ATP1A4: variants seen among roughly 807,000 people sequenced by gnomAD.
ATP1A4 encodes the protein ATPase Na+/K+ transporting subunit alpha 4.
A neutral mutation model predicts 114.3 loss-of-function variants in ATP1A4; 90 were observed. That is an observed-to-expected ratio of 0.79 (90% CI 0.66 to 0.94). The LOEUF (loss-of-function observed/expected upper bound fraction) is 0.94. ATP1A4 is among the 40% of genes least tolerant of loss of function. The probability of loss-of-function intolerance (pLI) is 0.00; values close to 1 mark genes in which losing one functional copy is unlikely to be tolerated. For missense variants in ATP1A4, 1,222 were observed against 1,313.6 expected (o/e 0.93, Z 1.08); for synonymous variants, 511 against 494.1 (o/e 1.03, Z -0.45).
Position 160,171,622 on chromosome 1 carries a change from G to C in ATP1A4, c.1719G>C (p.Lys573Asn). Residue 573 changes from lysine to asparagine, a missense_variant, in exon 12 of 22, where the codon AAG (lysine) becomes AAC (asparagine). By Grantham distance (94) the Lys-to-Asn change is moderately conservative. Transcript: ENST00000368081. ...CFLNLPSSFS[K>N]GFPFNTDEIN... ...TGAATCTGCCTAGCAGCTTCTCCAA[G>C]GGATTCCCATTTAATACAGATGAAA... 6.2e-7 allele frequency: 1 copy of C among 1,614,096 alleles called. No homozygotes were observed. Among genetic ancestry groups the C allele is most frequent in the Non-Finnish European group, 8.5e-7 (1 of 1,180,024 alleles).
Position 160,174,261 on chromosome 1 carries a change from G to A in ATP1A4, c.2142G>A (p.Leu714=), listed in dbSNP as rs760117234. The A allele has an allele frequency of 3.7e-6, 6 of 1,614,050 alleles. No individual in the cohort carries two copies. Among genetic ancestry groups the A allele is most frequent in the African/African-American group, 1.3e-5 (1 of 75,000 alleles). Residue 714 remains leucine (L), a splice_region_variant and synonymous_variant, in exon 14 of 22, where the codon CTG becomes CTA. Transcript: ENST00000368081. Reference sequence around the variant, plus strand: ...TCATTGTCGAGGGATGTCAGAGGCTGGTAAGGAACGAAAAGGAGCCCCAAG... The same window carrying A: ...TCATTGTCGAGGGATGTCAGAGGCTAGTAAGGAACGAAAAGGAGCCCCAAG... ...KLIIVEGCQR[L]GAVVAVTGDG...
At chr1:160,170,254 C>T (rs1352682200) in intron 10 of ATP1A4, 1 of 152,084 alleles carries the variant, frequency 6.6e-6, no homozygotes, top group Non-Finnish European at 1.5e-5. Flanking sequence ...GTAAAACCCC[C>T]GTCTCTGCTA....
intron 10 of ATP1A4, chr1:160,170,768 G>A (rs1571024595): frequency 1.0e-5 from 1 of 95,622 alleles, no homozygotes; most frequent in Non-Finnish European, 2.1e-5. Flanking sequence ...ATTTTTAGTA[G>A]GAGACGGGGT....
At chr1:160,157,878 G>A (rs1437606439) in intron 4 of ATP1A4, among the ~76,000 whole-genome samples, 9 of 152,152 alleles carry the variant, frequency 5.9e-5, no homozygotes, top group Admixed American at 3.3e-4. Flanking sequence ...TTTTTTAAAG[G>A]TACCTGGAAA....
Position 160,186,427 on chromosome 1 carries a change from C to T in ATP1A4, c.3061+60C>T, listed in dbSNP as rs533074735. 8.8e-4 allele frequency: 1,176 copies of T among 1,330,844 alleles called. 10 individuals are homozygous for T. Among genetic ancestry groups the T allele is most frequent in the Non-Finnish European group, 1.7e-4 (155 of 935,762 alleles). The allele number at this position is 1,330,844 out of a possible 1,614,324, so 82.4% of individuals were successfully genotyped here. On this transcript the variant is annotated intron_variant, in intron 21 of 21. Coordinates refer to ENST00000368081, the MANE Select transcript of ATP1A4 (RefSeq NM_144699.4). ...GTCACCAGCCCCCTCACTAGCTCTC[C>T]CATCCCACCTAGTCCCTCCAGACCC...
chr1:160,168,033 G>A (rs1207942897), intron 10 of ATP1A4, among the ~76,000 whole-genome samples: 2 of 152,118 alleles, frequency 1.3e-5, no homozygotes, highest in African/African-American at 2.4e-5. Context: ...GTTCGTGTTC[G>A]TGAAGTTTTT....
chr1:160,186,234 T>A lies in ATP1A4; in HGVS notation c.2970-42T>A, dbSNP rs757133292. On this transcript the variant is annotated intron_variant, in intron 20 of 21. Transcript: ENST00000368081. Reference sequence around the variant, plus strand: ...TGCCCTCTGCACCTGTCCTCTGGCATCTCTCTCTCCTGCCATGCTGACTGG... The same window carrying A: ...TGCCCTCTGCACCTGTCCTCTGGCAACTCTCTCTCCTGCCATGCTGACTGG... 6.5e-6 allele frequency: 9 copies of A among 1,377,650 alleles called. No individual in the cohort carries two copies. The East Asian group carries it at 2.1e-4, about 31-fold the overall frequency. 85.3% of individuals were successfully genotyped at this position (1,377,650 alleles called of 1,614,324 possible). A position where few individuals can be genotyped will look rare whatever the true frequency, so the allele number is the denominator to read the frequency against.
chr1:160,157,024 A>G (rs1390490851), intron 4 of ATP1A4, among the ~76,000 whole-genome samples: 1 of 152,172 alleles, frequency 6.6e-6, no homozygotes, highest in East Asian at 1.9e-4. Flanking sequence ...GGATTGCTTG[A>G]GCACGGAAGG....
intron 12 of ATP1A4, among the ~76,000 whole-genome samples, chr1:160,173,006 G>T (rs898650869): frequency 6.6e-6 from 1 of 152,222 alleles, no homozygotes; most frequent in Non-Finnish European, 1.5e-5. Context: ...ATACAGAGAA[G>T]TGTGGCAAGT....
At position 160,152,086 on chromosome 1, in the gene ATP1A4, A is replaced by G; in HGVS notation, c.46A>G (p.Ser16Gly). 6.2e-7 allele frequency: 1 copy of G among 1,614,084 alleles called. No individual in the cohort carries two copies. The highest frequency in any genetic ancestry group is 2.2e-5 in the East Asian group (1 of 44,874). ...KKGTVAPHDQ[S>G]PRRRPKKGLI... ...AGGGACAGTGGCTCCCCATGACCAG[A>G]GTCCAAGACGAAGACCTAAAAAAGG... Residue 16 changes from serine to glycine, a missense_variant, in exon 1 of 22, where the codon AGT (serine) becomes GGT (glycine). Ser to Gly is a moderately conservative substitution (Grantham distance 56, BLOSUM62 0). Coordinates refer to ENST00000368081, the MANE Select transcript of ATP1A4 (RefSeq NM_144699.4).
At chr1:160,160,351 G>T (rs193216595) in intron 6 of ATP1A4, among the ~76,000 whole-genome samples, 7 of 152,044 alleles carry the variant, frequency 4.6e-5, no homozygotes, top group African/African-American at 1.7e-4. Flanking sequence ...CGAGTAGCTG[G>T]GATTACAGGT....
chr1:160,172,761 T>G (rs1427521171), intron 12 of ATP1A4, among the ~76,000 whole-genome samples: 1 of 152,200 alleles, frequency 6.6e-6, no homozygotes, highest in African/African-American at 2.4e-5. Context: ...ATGTTAGACC[T>G]GTGACTGTTG....
At position 160,167,010 on chromosome 1, in the gene ATP1A4, C is replaced by G. The variant is rs762627268; in HGVS notation, c.1289C>G (p.Ala430Gly). The G allele has an allele frequency of 1.9e-6, 3 of 1,614,170 alleles. No homozygotes were observed. The highest frequency in any genetic ancestry group is 2.5e-6 in the Non-Finnish European group (3 of 1,180,030). The change falls in exon 9 of 22, where the codon GCC (alanine) becomes GGC (glycine). Residue 430 changes from alanine (A) to glycine (G), a missense_variant. Coordinates refer to ENST00000368081, the MANE Select transcript of ATP1A4 (RefSeq NM_144699.4). ...TKSSDTWFML[A>G]RIAGLCNRAD... is the part of the protein sequence containing the mutation. ...AGCTCTGATACCTGGTTTATGCTGG[C>G]CCGAATCGCTGGCCTCTGCAACCGG...
chr1:160,153,045 G>A, intron 1 of ATP1A4, 120 bp from the exon 2 acceptor site: 2 of 782,870 alleles, frequency 2.6e-6, no homozygotes, highest in Non-Finnish European at 4.3e-6. Flanking sequence ...AGAATTGCAG[G>A]GAGCTTACAA....
At chr1:160,173,221 T>C (rs1246783534) in intron 12 of ATP1A4, among the ~76,000 whole-genome samples, 1 of 152,248 alleles carries the variant, frequency 6.6e-6, no homozygotes, top group Non-Finnish European at 1.5e-5. Flanking sequence ...AGATGGATTA[T>C]TCCAGACATT....
intron 7 of ATP1A4, 58 bp downstream of exon 7, chr1:160,164,482 G>A: frequency 6.4e-7 from 1 of 1,569,986 alleles, no homozygotes; most frequent in South Asian, 1.2e-5. Context: ...AGGGAAAAGG[G>A]ATCACTAGCG....
intron 20 of ATP1A4, among the ~76,000 whole-genome samples, chr1:160,185,895 G>C (rs1653864262): frequency 6.7e-6 from 1 of 149,016 alleles, no homozygotes; most frequent in Non-Finnish European, 1.5e-5. Flanking sequence ...CTCCAGCCTG[G>C]GTGACAGAGT....
In ATP1A4 at chr1:160,156,135, T is replaced by A; in HGVS notation, c.502T>A (p.Ser168Thr). The change falls in exon 4 of 22, where the codon TCT becomes ACT. Residue 168 changes from serine to threonine, a missense_variant. Coordinates refer to ENST00000368081, the MANE Select transcript of ATP1A4 (RefSeq NM_144699.4). ...QEAKSSKIME[S>T]FKNMVPQQAL... ...GGCCAAGAGCTCCAAGATCATGGAG[T>A]CTTTTAAGAACATGGTGCCTCAGGT... is the stretch of plus-strand genomic sequence containing the variant. The A allele has an allele frequency of 1.2e-6, 2 of 1,613,158 alleles. No individual in the cohort carries two copies. Among genetic ancestry groups the A allele is most frequent in the Non-Finnish European group, 1.7e-6 (2 of 1,179,272 alleles).
intron 12 of ATP1A4, among the ~76,000 whole-genome samples, chr1:160,172,607 A>T (rs927922365): frequency 6.6e-6 from 1 of 152,214 alleles, no homozygotes; most frequent in East Asian, 1.9e-4. Context: ...TCTAAGACTC[A>T]TCATATACAT....
Sources: gnomAD v4.1 joint callset for allele counts (sites outside exome capture counted in the v4.1 genomes callset) on GRCh38, gnomAD v4.1.1 for gene constraint, MANE v1.5 for transcripts, NCBI Gene and HGNC (gene_info 2026-07-23, HGNC 2026-07-21) for gene names.